The following MAP2 variants were observed in gnomAD, a reference collection of about 807,000 sequenced individuals.
MAP2 encodes the protein microtubule associated protein 2.
A neutral mutation model predicts 137.6 loss-of-function variants in MAP2; 14 were observed. The ratio of observed to expected loss-of-function variants is 0.10; its 90% confidence interval spans 0.07 to 0.16. The LOEUF (loss-of-function observed/expected upper bound fraction) is 0.16, where lower values mean the gene tolerates loss of function less well. Among genes scored for constraint, MAP2 ranks in the 10% least tolerant of loss-of-function variants. The pLI is 1.00. For missense variants in MAP2, 2,088 were observed against 2,191.5 expected, an observed-to-expected ratio of 0.95 and a Z score of 0.94; for synonymous variants, 786 against 782.3, an observed-to-expected ratio of 1.00 and a Z score of -0.08.
intron 2 of MAP2, among the ~76,000 whole-genome samples, chr2:209,530,035 A>G (rs750223961): frequency 6.6e-6 from 1 of 152,104 alleles, no homozygotes; most frequent in Admixed American, 6.6e-5. Context: ...ACAGTAACTT[A>G]AGCCAACTCA....
chr2:209,618,760 A>G (rs2090289983), intron 3 of MAP2, among the ~76,000 whole-genome samples: 1 of 152,186 alleles, frequency 6.6e-6, no homozygotes, highest in Non-Finnish European at 1.5e-5. Flanking sequence ...CTACCATATG[A>G]TCCAGCAATC....
chr2:209,579,913 G>T (rs1277072567), intron 2 of MAP2, 123 bp from the exon 3 acceptor site: 1 of 151,426 alleles, frequency 6.6e-6, no homozygotes, highest in African/African-American at 2.4e-5. Flanking sequence ...CAGACCTCCA[G>T]GCATAGATTT....
intron 1 of MAP2, among the ~76,000 whole-genome samples, chr2:209,452,155 T>A (rs898993933): frequency 6.6e-6 from 1 of 152,206 alleles, no homozygotes; most frequent in African/African-American, 2.4e-5. Flanking sequence ...TCTTTGAGGT[T>A]AGGAGTGTGA....
chr2:209,695,838 A>G lies in MAP2; in HGVS notation c.3668A>G (p.Glu1223Gly), dbSNP rs145228580. Residue 1223 changes from glutamate (E) to glycine (G), a missense_variant, in exon 8 of 16, where the codon GAA becomes GGA. Glu to Gly is a moderately conservative substitution (Grantham distance 98, BLOSUM62 -2). This residue lies in a region of MAP2 where 591 missense variants were observed against 642.6 expected (regional missense o/e 0.92). Coordinates refer to ENST00000682079, the MANE Select transcript of MAP2 (RefSeq NM_001375505.1). ...TCTGATGTTGCAGAGCCATTGCATG[A>G]AACGATCGTATCTGAACCAGCAGAG... ...TPSDVAEPLH[E>G]TIVSEPAEIQ... is the part of the protein sequence containing the mutation. 24 of 1,614,150 alleles carry G rather than the reference A, an allele frequency of 1.5e-5. No individual in the cohort carries two copies. In the African/African-American group the frequency reaches 2.3e-4, roughly 15 times the overall value.
chr2:209,524,789 T>G (rs1323883039), intron 2 of MAP2, among the ~76,000 whole-genome samples: 1 of 152,170 alleles, frequency 6.6e-6, no homozygotes, highest in Non-Finnish European at 1.5e-5. Flanking sequence ...CTAATTTATT[T>G]ATGAATAAGC....
chr2:209,516,410 A>G (rs2062511658), intron 2 of MAP2, among the ~76,000 whole-genome samples: 1 of 152,084 alleles, frequency 6.6e-6, no homozygotes, highest in Non-Finnish European at 1.5e-5. Flanking sequence ...GTACAATACT[A>G]AGGTGCAAGT....
chr2:209,450,975 A>AT (rs5838167), intron 1 of MAP2, among the ~76,000 whole-genome samples: 20,661 of 151,818 alleles, frequency 0.14, 3,470 homozygotes, highest in African/African-American at 0.4. Context: ...TTATGAAATA[A>AT]TTTTTTTTCC....
intron 1 of MAP2, among the ~76,000 whole-genome samples, chr2:209,425,431 ATTGTAT>A (rs1559145892): frequency 6.6e-6 from 1 of 152,228 alleles, no homozygotes; most frequent in Non-Finnish European, 1.5e-5. Flanking sequence ...ATTTTTTAAA[ATTGTAT>A]TTGAGGGTTT....
intron 5 of MAP2, among the ~76,000 whole-genome samples, chr2:209,655,919 AG>A (rs2095111764): frequency 6.6e-6 from 1 of 152,186 alleles, no homozygotes. Flanking sequence ...TTTTTGCTAT[AG>A]TCCCCTCTTT....
Position 209,696,334 on chromosome 2 carries a change from C to T in MAP2, c.4164C>T (p.Leu1388=), listed in dbSNP as rs1441667033. The change falls in exon 8 of 16, where the codon CTC becomes CTT. Residue 1388 remains leucine (L), a synonymous_variant. Transcript: ENST00000682079. ...IDDSIMDADS[L]WVDTQDDDRS... is the part of the protein sequence containing the mutation. ...ACTCCATCATGGACGCTGACAGCCT[C>T]TGGGTGGACACTCAAGGTGTGCATT... The T allele has an allele frequency of 6.4e-7, 1 of 1,557,720 alleles. No homozygotes were observed. Among genetic ancestry groups the T allele is most frequent in the South Asian group, 1.3e-5 (1 of 79,838 alleles).
intron 3 of MAP2, among the ~76,000 whole-genome samples, chr2:209,605,446 C>A (rs1269862283): frequency 3.9e-5 from 6 of 152,088 alleles, no homozygotes; most frequent in African/African-American, 1.4e-4. Flanking sequence ...AAAGTTAGAT[C>A]TTATAAAAAT....
At chr2:209,430,120 A>C (rs2149271910) in intron 1 of MAP2, among the ~76,000 whole-genome samples, 1 of 150,752 alleles carries the variant, frequency 6.6e-6, no homozygotes, top group East Asian at 1.9e-4. Context: ...AAACAAGCAA[A>C]AAAGTTTTTA....
At chr2:209,616,010 C>T (rs753977527) in intron 3 of MAP2, among the ~76,000 whole-genome samples, 5 of 152,192 alleles carry the variant, frequency 3.3e-5, no homozygotes, top group Non-Finnish European at 5.9e-5. Context: ...GGCACCATTT[C>T]TCCCCTATCC....
At chr2:209,526,052 A>G (rs1031280529) in intron 2 of MAP2, among the ~76,000 whole-genome samples, 2 of 151,808 alleles carry the variant, frequency 1.3e-5, no homozygotes, top group Non-Finnish European at 1.5e-5. Flanking sequence ...ATGTTATGTC[A>G]TGATTTTGAT....
Position 209,678,658 on chromosome 2 carries a change from A to C in MAP2, c.349A>C (p.Lys117Gln). 1 of 1,604,044 alleles carries C rather than the reference A, an allele frequency of 6.2e-7. No homozygotes were observed. Among genetic ancestry groups the C allele is most frequent in the Middle Eastern group, 1.7e-4 (1 of 6,012 alleles). The stretch of plus-strand genomic sequence containing the variant: ...TGAACAAGAGAAAGAAGCTCAACAT[A>C]AAGACCAGACTGCAGCTCTGCCTTT... ...KGEQEKEAQH[K>Q]DQTAALPLAA... The change falls in exon 6 of 16, where the codon AAA (lysine) becomes CAA (glutamine). Residue 117 changes from lysine to glutamine, a missense_variant. Transcript: ENST00000682079.
chr2:209,682,610 T>C (rs2055139654), intron 7 of MAP2, among the ~76,000 whole-genome samples: 3 of 152,124 alleles, frequency 2.0e-5, no homozygotes. Context: ...TTTAAAATAT[T>C]ACAAGAGAAA....
chr2:209,479,892 T>C (rs1708311470), intron 1 of MAP2, among the ~76,000 whole-genome samples: 1 of 152,142 alleles, frequency 6.6e-6, no homozygotes, highest in African/African-American at 2.4e-5. Context: ...AAAATAAAAT[T>C]GAGTTGCTAG....
intron 2 of MAP2, among the ~76,000 whole-genome samples, chr2:209,552,375 A>C (rs1034615431): frequency 6.6e-6 from 1 of 152,162 alleles, no homozygotes; most frequent in Non-Finnish European, 1.5e-5. Flanking sequence ...GGGTTTACAG[A>C]CATTTAGCAC....
chr2:209,452,069 T>C (rs1700444395), intron 1 of MAP2, among the ~76,000 whole-genome samples: 1 of 152,222 alleles, frequency 6.6e-6, no homozygotes, highest in Non-Finnish European at 1.5e-5. Flanking sequence ...GTAGAACTAA[T>C]TGAGGACCCA....
Sources: gnomAD v4.1 joint callset for allele counts (sites outside exome capture counted in the v4.1 genomes callset) on GRCh38, gnomAD v4.1.1 for gene constraint, gnomAD v4.1.1 regional missense constraint, MANE v1.5 for transcripts, NCBI Gene and HGNC (gene_info 2026-07-23, HGNC 2026-07-21) for gene names.